DYNC2H1: variants seen among roughly 807,000 people sequenced by gnomAD.
DYNC2H1 encodes dynein cytoplasmic 2 heavy chain 1.
DYNC2H1 carries 410 observed loss-of-function variants against 570.0 expected under a neutral mutation model. The ratio of observed to expected loss-of-function variants is 0.72; its 90% CI spans 0.66 to 0.78. The LOEUF (loss-of-function observed/expected upper bound fraction) is 0.78, where lower values mean the gene tolerates loss of function less well. Among genes scored for constraint, DYNC2H1 ranks in the 30% least tolerant of loss-of-function variants. The probability of loss-of-function intolerance (pLI) is 0.00; values close to 1 mark genes in which losing one functional copy is unlikely to be tolerated. For missense variants in DYNC2H1, 4,865 were observed against 5,046.4 expected, an observed-to-expected ratio of 0.96 and a Z score of 1.09; for synonymous variants, 1,688 against 1,677.6, an observed-to-expected ratio of 1.01 and a Z score of -0.15.
Position 103,287,577 on chromosome 11 carries a change from C to T in DYNC2H1, c.11067C>T (p.Ala3689=). Residue 3689 remains alanine, a synonymous_variant, in exon 75 of 89, where the codon GCC becomes GCT. Coordinates refer to ENST00000375735, the MANE Select transcript of DYNC2H1 (RefSeq NM_001377.3). ...QALRPDRLQS[A]MALFACKTLG... ...TAAGACCGGACAGATTGCAAAGTGC[C>T]ATGGCTCTTTTTGCATGTAAAACTC... is the stretch of plus-strand genomic sequence containing the variant. 2 of 1,611,446 alleles carry T rather than the reference C, an allele frequency of 1.2e-6. No individual in the cohort carries two copies. The highest frequency in any genetic ancestry group is 2.2e-5 in the East Asian group (1 of 44,772).
rs1860553531 is a variant in DYNC2H1 at position 103,151,727 on chromosome 11, T to A, written c.2947-409T>A. ...TTTCCTTCTCTATTAAGTCGGATAA[T>A]TTAGTTAACTTATGCTCTTAGATAA... On this transcript the variant is annotated intron_variant, in intron 20 of 88. Transcript: ENST00000375735. This position sits in a 1 kb window ranked among gnomAD's most constrained non-coding sequence, Gnocchi z 4.6. Among the ~76,000 whole-genome samples the A allele has an allele frequency of 6.6e-6, 1 of 152,186 alleles. No homozygotes were observed. Among genetic ancestry groups the A allele is most frequent in the Non-Finnish European group, 1.5e-5 (1 of 68,020 alleles).
intron 84 of DYNC2H1, among the ~76,000 whole-genome samples, chr11:103,431,033 G>T (rs1943870212): frequency 6.6e-6 from 1 of 151,948 alleles, no homozygotes; most frequent in African/African-American, 2.4e-5. Flanking sequence ...GCAAATAGCA[G>T]CTATTTACTC....
At chr11:103,126,067 A>G (rs1858980792) in intron 12 of DYNC2H1, among the ~76,000 whole-genome samples, 1 of 151,720 alleles carries the variant, frequency 6.6e-6, no homozygotes, top group East Asian at 1.9e-4. Context: ...TTTTTCTTTG[A>G]CTTGATTATT....
rs1391295773 is a variant in DYNC2H1 at position 103,116,616 on chromosome 11, T to A, written c.668T>A (p.Leu223Ter). 6.2e-7 allele frequency: 1 copy of A among 1,608,652 alleles called. No homozygotes were observed. Among genetic ancestry groups the A allele is most frequent in the Admixed American group, 1.7e-5 (1 of 59,664 alleles). ...DSLSLLEVVDLVETTQDVVDD... is the reference protein window; with the variant it reads ...DSLSLLEVVD ...CTATCCTTACTAGAAGTTGTTGACT[T>A]GGTGGAGACTACTCAGGATGTTGTA... The change falls in exon 5 of 89, where the codon TTG becomes TAG. Residue 223 changes from leucine (L) to a stop codon, truncating the protein, a stop_gained. Coordinates refer to ENST00000375735, the MANE Select transcript of DYNC2H1 (RefSeq NM_001377.3). LOFTEE classifies it high-confidence loss of function.
chr11:103,263,552 G>T (rs1865395953), intron 70 of DYNC2H1, among the ~76,000 whole-genome samples: 1 of 152,146 alleles, frequency 6.6e-6, no homozygotes, highest in Non-Finnish European at 1.5e-5. Flanking sequence ...TAAGGATTAA[G>T]AAACTCACTC....
chr11:103,301,485 G>T lies in DYNC2H1; in HGVS notation c.11096-1608G>T, dbSNP rs181255555. Among the ~76,000 whole-genome samples the T allele has an allele frequency of 4.7e-3, 717 of 151,962 alleles. 3 individuals are homozygous for T. Among genetic ancestry groups the T allele is most frequent in the Non-Finnish European group, 8.3e-3 (561 of 67,818 alleles). On this transcript the variant is annotated intron_variant, in intron 75 of 88. Coordinates refer to ENST00000375735, the MANE Select transcript of DYNC2H1 (RefSeq NM_001377.3). Reference sequence around the variant, plus strand: ...TGAATCAATGGAAATATTTCTTACTGCATTGCAAGTATGTAAGAATTCTTT... The same window carrying T: ...TGAATCAATGGAAATATTTCTTACTTCATTGCAAGTATGTAAGAATTCTTT...
At chr11:103,200,822 C>T (rs774790115) in intron 50 of DYNC2H1, among the ~76,000 whole-genome samples, 1 of 151,928 alleles carries the variant, frequency 6.6e-6, no homozygotes, top group Non-Finnish European at 1.5e-5. Flanking sequence ...TGTTTGTTTG[C>T]TTGTTTGTTT....
chr11:103,475,812 G>A (rs1036267908), intron 88 of DYNC2H1, among the ~76,000 whole-genome samples: 1 of 152,090 alleles, frequency 6.6e-6, no homozygotes, highest in Non-Finnish European at 1.5e-5. Context: ...ATAATAATCA[G>A]CATTATTAAG....
intron 17 of DYNC2H1, among the ~76,000 whole-genome samples, chr11:103,136,615 A>C (rs1417962031): frequency 3.7e-4 from 56 of 152,174 alleles, no homozygotes; most frequent in African/African-American, 1.3e-3. Flanking sequence ...TTTCTTAATC[A>C]AGTCTATCAT....
At chr11:103,320,917 A>G in intron 80 of DYNC2H1, 112 bp from the exon 81 acceptor site, 1 of 814,126 alleles carries the variant, frequency 1.2e-6, no homozygotes, top group South Asian at 2.0e-5. Flanking sequence ...ATTTGAATAA[A>G]TGATTTAGTT....
At chr11:103,389,239 T>C (rs982707160) in intron 83 of DYNC2H1, among the ~76,000 whole-genome samples, 1 of 152,222 alleles carries the variant, frequency 6.6e-6, no homozygotes, top group Non-Finnish European at 1.5e-5. Context: ...GGAGGGTGTA[T>C]GTGTCGAGGA....
chr11:103,376,574 T>A (rs71480488), intron 83 of DYNC2H1, among the ~76,000 whole-genome samples: 7,921 of 152,252 alleles, frequency 0.052, 383 homozygotes, highest in East Asian at 0.19. Context: ...TGCATAACAC[T>A]GCTACACTCC....
chr11:103,125,874 C>T (rs981412926), intron 12 of DYNC2H1, among the ~76,000 whole-genome samples: 8 of 152,210 alleles, frequency 5.3e-5, no homozygotes, highest in African/African-American at 1.9e-4. Flanking sequence ...ACTTTGCTTT[C>T]ATCTGAACAT....
intron 72 of DYNC2H1, 60 bp from the exon 73 acceptor site, chr11:103,282,946 GCT>G: frequency 8.4e-7 from 1 of 1,197,418 alleles, no homozygotes; most frequent in Non-Finnish European, 1.2e-6. Context: ...CTAATCAATT[GCT>G]ATTTTTTAAA....
chr11:103,273,646 T>C (rs556134711), intron 70 of DYNC2H1, among the ~76,000 whole-genome samples: 3 of 152,318 alleles, frequency 2.0e-5, no homozygotes, highest in African/African-American at 7.2e-5. Context: ...TGTTAAATAC[T>C]TATGGCTGAA....
chr11:103,128,133 G>C (rs1422326118), intron 12 of DYNC2H1, among the ~76,000 whole-genome samples: 2 of 152,198 alleles, frequency 1.3e-5, no homozygotes, highest in African/African-American at 4.8e-5. Context: ...TAGTAAAAAG[G>C]CAAGTTTGGC....
chr11:103,435,884 A>G, intron 84 of DYNC2H1, 59 bp from the exon 85 acceptor site: 1 of 1,535,840 alleles, frequency 6.5e-7, no homozygotes, highest in Non-Finnish European at 8.9e-7. Context: ...TAGTGTTAGT[A>G]GTCTTCTATA....
chr11:103,365,510 A>G (rs1055019869), intron 83 of DYNC2H1, among the ~76,000 whole-genome samples: 1 of 152,194 alleles, frequency 6.6e-6, no homozygotes, highest in Admixed American at 6.5e-5. Flanking sequence ...AGGAATACCT[A>G]AGTACTTATA....
chr11:103,354,176 C>CAAAA (rs1491521917), intron 82 of DYNC2H1, among the ~76,000 whole-genome samples: 1 of 50,904 alleles, frequency 2.0e-5, no homozygotes. Flanking sequence ...GGCTCTGTCT[C>CAAAA]AAAACAAAAA....
Sources: allele counts gnomAD v4.1 joint callset (sites outside exome capture counted in the v4.1 genomes callset), GRCh38; gene constraint gnomAD v4.1.1; non-coding constraint Gnocchi (gnomAD v3.1); transcripts MANE v1.5; gene names NCBI Gene and HGNC (gene_info 2026-07-23, HGNC 2026-07-21).